STXBP5L: variants seen among roughly 807,000 people sequenced by gnomAD.
STXBP5L encodes syntaxin-binding protein 5-like.
In STXBP5L, 65 loss-of-function variants were observed where a neutral mutation model predicts 144.5. That is an observed-to-expected ratio of 0.45 (90% CI 0.37 to 0.55). The LOEUF is 0.55. Ranked by LOEUF, STXBP5L falls within the 20% of genes least tolerant of loss-of-function variation. The pLI, the probability that STXBP5L is intolerant of heterozygous loss-of-function variation, is 0.00. For missense variants in STXBP5L, 1,298 were observed against 1,405.5 expected, an observed-to-expected ratio of 0.92 and a Z score of 1.22; for synonymous variants, 505 against 469.6, an observed-to-expected ratio of 1.08 and a Z score of -0.97.
At chr3:121,205,886 T>C (rs756085032) in intron 9 of STXBP5L, 37 bp from the exon 10 acceptor site, 2 of 1,160,492 alleles carry the variant, frequency 1.7e-6, no homozygotes, top group Admixed American at 2.8e-5. Context: ...ATGAATATAA[T>C]TTAAATTAGA....
chr3:121,349,355 GC>G, intron 20 of STXBP5L, among the ~76,000 whole-genome samples: 1 of 152,012 alleles, frequency 6.6e-6, no homozygotes, highest in South Asian at 2.1e-4. Context: ...TTTTACATTT[GC>G]TGAGGAGTGC....
intron 5 of STXBP5L, among the ~76,000 whole-genome samples, chr3:121,078,780 C>T (rs563876122): frequency 2.1e-4 from 32 of 152,388 alleles, no homozygotes; most frequent in African/African-American, 3.8e-4. Flanking sequence ...GTACACCCTC[C>T]GCAGCCGCTG....
chr3:121,038,418 C>G (rs2107537391), intron 3 of STXBP5L, among the ~76,000 whole-genome samples: 1 of 151,846 alleles, frequency 6.6e-6, no homozygotes, highest in Admixed American at 6.6e-5. Context: ...GGAGGGTTTT[C>G]TGGATGTTAT....
At chr3:121,263,502 G>A (rs2050452951) in intron 18 of STXBP5L, among the ~76,000 whole-genome samples, 1 of 152,084 alleles carries the variant, frequency 6.6e-6, no homozygotes, top group East Asian at 1.9e-4. Context: ...GCTTCAGAAG[G>A]CAGGTAATAA....
At chr3:121,047,278 G>T (rs1460146846) in intron 5 of STXBP5L, among the ~76,000 whole-genome samples, 2 of 152,152 alleles carry the variant, frequency 1.3e-5, no homozygotes, top group African/African-American at 4.8e-5. Flanking sequence ...CAATTGTGTG[G>T]TTGATTTTAG....
At chr3:121,337,439 T>TTAA (rs892452100) in intron 20 of STXBP5L, among the ~76,000 whole-genome samples, 2 of 71,096 alleles carry the variant, frequency 2.8e-5, no homozygotes, top group African/African-American at 9.9e-5. Flanking sequence ...GCAACAACAG[T>TTAA]AAAAAAAAAA....
intron 7 of STXBP5L, among the ~76,000 whole-genome samples, chr3:121,141,379 G>C (rs955101389): frequency 1.3e-5 from 2 of 151,154 alleles, no homozygotes; most frequent in African/African-American, 4.9e-5. Context: ...CTCCAGCTTG[G>C]TCAACAAGAG....
In STXBP5L at chr3:121,419,622, C is replaced by T. The variant is rs1027958459; in HGVS notation, c.*525C>T. 1 of 152,178 alleles carries T rather than the reference C, an allele frequency of 6.6e-6. No individual in the cohort carries two copies. Among genetic ancestry groups the T allele is most frequent in the Non-Finnish European group, 1.5e-5 (1 of 68,058 alleles). The allele number at this position is 152,178 out of a possible 1,614,324, so 9.4% of individuals were successfully genotyped here. On this transcript the variant is annotated 3_prime_UTR_variant, in exon 27 of 27. Transcript: ENST00000471454. ...ATATATTTGCCATACCCAACTGAAACGGAAAACAAAACAAAACAAGAACCC... is the reference window on the plus strand; with the variant it reads ...ATATATTTGCCATACCCAACTGAAATGGAAAACAAAACAAAACAAGAACCC...
At chr3:121,067,694 A>G (rs1159339202) in intron 5 of STXBP5L, among the ~76,000 whole-genome samples, 2 of 152,174 alleles carry the variant, frequency 1.3e-5, no homozygotes, top group African/African-American at 2.4e-5. Context: ...ATCTGATATT[A>G]AGAGAGGACC....
intron 22 of STXBP5L, among the ~76,000 whole-genome samples, chr3:121,382,887 A>G (rs1485077872): frequency 6.6e-6 from 1 of 152,142 alleles, no homozygotes; most frequent in East Asian, 1.9e-4. Flanking sequence ...AATATTTGAA[A>G]ACTTTTTCTT....
intron 3 of STXBP5L, among the ~76,000 whole-genome samples, chr3:121,038,386 AT>A (rs1409267245): frequency 2.0e-5 from 3 of 151,958 alleles, no homozygotes; most frequent in African/African-American, 7.2e-5. Context: ...TTAGTAGTTT[AT>A]AATTTAATTT....
chr3:121,192,585 C>G (rs1012247780), intron 9 of STXBP5L, among the ~76,000 whole-genome samples: 6 of 152,266 alleles, frequency 3.9e-5, no homozygotes, highest in Non-Finnish European at 5.9e-5. Context: ...TACAAAGCTA[C>G]AGTAATCAAA....
At chr3:121,316,550 T>A (rs2043795196) in intron 19 of STXBP5L, among the ~76,000 whole-genome samples, 1 of 152,232 alleles carries the variant, frequency 6.6e-6, no homozygotes, top group Non-Finnish European at 1.5e-5. Context: ...CCCTGTTTTC[T>A]TATCTGTATG....
chr3:120,988,337 C>A (rs776763773), intron 3 of STXBP5L, among the ~76,000 whole-genome samples: 37 of 151,604 alleles, frequency 2.4e-4, no homozygotes, highest in Non-Finnish European at 3.4e-4. Flanking sequence ...TCAAAATTTC[C>A]TTTCAGACTT....
intron 7 of STXBP5L, among the ~76,000 whole-genome samples, chr3:121,130,881 T>C (rs148332786): frequency 0.035 from 5,402 of 152,190 alleles, 145 homozygotes; most frequent in Middle Eastern, 0.082. Context: ...TCAGAATTTA[T>C]GGAATATAAT....
At chr3:121,008,602 A>G (rs558274639) in intron 3 of STXBP5L, among the ~76,000 whole-genome samples, 91 of 152,124 alleles carry the variant, frequency 6.0e-4, no homozygotes, top group African/African-American at 2.1e-3. Flanking sequence ...ACTTAAAACT[A>G]TATAGTATCA....
At chr3:120,965,602 C>T (rs781084164) in intron 3 of STXBP5L, among the ~76,000 whole-genome samples, 1 of 152,128 alleles carries the variant, frequency 6.6e-6, no homozygotes, top group South Asian at 2.1e-4. Context: ...TGGATATTGG[C>T]CCCCACTCTC....
chr3:121,372,756 T>C (rs775117838), intron 20 of STXBP5L, among the ~76,000 whole-genome samples: 11 of 152,048 alleles, frequency 7.2e-5, no homozygotes, highest in Non-Finnish European at 1.5e-4. Flanking sequence ...TGGTGGGAGA[T>C]GTTCCCCTGG....
chr3:121,160,266 CTTTA>C (rs963053376), intron 9 of STXBP5L, among the ~76,000 whole-genome samples: 12 of 151,986 alleles, frequency 7.9e-5, no homozygotes, highest in African/African-American at 2.9e-4. Flanking sequence ...CCCATTTTTG[CTTTA>C]TTTATTTTGG....
Sources: allele counts gnomAD v4.1 joint callset (sites outside exome capture counted in the v4.1 genomes callset), GRCh38; gene constraint gnomAD v4.1.1; transcripts MANE v1.5; gene names NCBI Gene and HGNC (gene_info 2026-07-23, HGNC 2026-07-21).